Variants in PAPSS1 observed in about 807,000 individuals in gnomAD.
PAPSS1 encodes the protein 3'-phosphoadenosine 5'-phosphosulfate synthase 1, also known as bifunctional 3'-phosphoadenosine 5'-phosphosulfate synthase 1.
PAPSS1 carries 50 observed loss-of-function variants against 72.0 expected under a neutral mutation model. That is an observed-to-expected ratio of 0.69 (90% CI 0.55 to 0.88). PAPSS1 has a LOEUF of 0.88. Ranked by LOEUF, PAPSS1 falls within the 40% of genes least tolerant of loss-of-function variation. The probability of loss-of-function intolerance (pLI) is 0.00; values close to 1 mark genes in which losing one functional copy is unlikely to be tolerated. For missense variants in PAPSS1, 657 were observed against 782.2 expected (o/e 0.84, Z 1.91); for synonymous variants, 261 against 263.6 (o/e 0.99, Z 0.09).
intron 11 of PAPSS1, among the ~76,000 whole-genome samples, chr4:107,621,608 CTTTTT>C (rs10670438): frequency 1.3e-3 from 61 of 48,148 alleles, no homozygotes; most frequent in African/African-American, 3.0e-3. Flanking sequence ...GGTTTTTTAT[CTTTTT>C]TTTTTTTTTT....
chr4:107,663,074 T>C (rs1452590171), intron 5 of PAPSS1, among the ~76,000 whole-genome samples: 3 of 152,154 alleles, frequency 2.0e-5, no homozygotes, highest in African/African-American at 7.2e-5. Context: ...ACACTAAACA[T>C]AACAAGTTAC....
chr4:107,631,867 T>C lies in PAPSS1; in HGVS notation c.1507-7A>G, dbSNP rs36022390. 7.9e-4 allele frequency: 1,268 copies of C among 1,597,428 alleles called. 6 individuals carry two copies. Among genetic ancestry groups the C allele is most frequent in the Middle Eastern group, 5.7e-3 (34 of 6,000 alleles). On this transcript the variant is annotated splice_polypyrimidine_tract_variant and splice_region_variant and intron_variant, in intron 10 of 11. Transcript: ENST00000265174. Reference sequence around the variant, plus strand: ...CTCTGCAATGCCACTGGACCTAGAATAAAAGTTTCATTTTAGGTAACTTTG... The same window carrying C: ...CTCTGCAATGCCACTGGACCTAGAACAAAAGTTTCATTTTAGGTAACTTTG...
At chr4:107,676,504 AC>A (rs1727654732) in intron 5 of PAPSS1, among the ~76,000 whole-genome samples, 1 of 152,214 alleles carries the variant, frequency 6.6e-6, no homozygotes, top group South Asian at 2.1e-4. Flanking sequence ...TTCAAGGAGA[AC>A]TATAAACCAC....
chr4:107,636,695 C>G (rs1441729334), intron 10 of PAPSS1, among the ~76,000 whole-genome samples: 1 of 152,102 alleles, frequency 6.6e-6, no homozygotes, highest in Non-Finnish European at 1.5e-5. Flanking sequence ...AATGAAAAAG[C>G]AGGGGAGGAC....
chr4:107,682,005 C>G lies in PAPSS1; in HGVS notation c.669+10G>C. The G allele has an allele frequency of 2.3e-6, 3 of 1,318,020 alleles. No homozygotes were observed. The East Asian group carries it at 7.1e-5, about 31-fold the overall frequency. The allele number at this position is 1,318,020 out of a possible 1,614,324, so 81.6% of individuals were successfully genotyped here. A position where few individuals can be genotyped will look rare whatever the true frequency, so the allele number is the denominator to read the frequency against. On this transcript the variant is annotated intron_variant, in intron 5 of 11. Transcript: ENST00000265174. ...TTTCTCTGATGATTCCTTCTTTCAT[C>G]CTCTCTTACCCGTTCCTGTAGAAGT... is the stretch of plus-strand genomic sequence containing the variant.
At chr4:107,666,886 G>A (rs1727333011) in intron 5 of PAPSS1, among the ~76,000 whole-genome samples, 1 of 152,116 alleles carries the variant, frequency 6.6e-6, no homozygotes, top group African/African-American at 2.4e-5. Context: ...TACAGTGTTT[G>A]GTCTTTGTCC....
chr4:107,617,649 C>T (rs565962829), intron 11 of PAPSS1, among the ~76,000 whole-genome samples: 1 of 152,278 alleles, frequency 6.6e-6, no homozygotes, highest in African/African-American at 2.4e-5. Context: ...TAGACATACA[C>T]ATTCAACTCA....
chr4:107,638,685 G>C (rs1030583750), intron 10 of PAPSS1, among the ~76,000 whole-genome samples: 1 of 152,174 alleles, frequency 6.6e-6, no homozygotes, highest in Non-Finnish European at 1.5e-5. Context: ...GAAAACAGAG[G>C]AAGGCAACCA....
intron 10 of PAPSS1, 120 bp downstream of exon 10, chr4:107,644,682 T>A (rs1342256705): frequency 6.7e-6 from 6 of 901,970 alleles, no homozygotes; most frequent in Non-Finnish European, 9.6e-6. Context: ...GAATGTCATG[T>A]ATAACAAATG....
intron 2 of PAPSS1, among the ~76,000 whole-genome samples, chr4:107,700,572 C>T (rs1723179729): frequency 6.6e-6 from 1 of 152,202 alleles, no homozygotes; most frequent in Admixed American, 6.5e-5. Context: ...ATCCTCAATG[C>T]AACAGTGTTG....
intron 5 of PAPSS1, among the ~76,000 whole-genome samples, chr4:107,670,786 C>T (rs1373790642): frequency 6.6e-6 from 1 of 152,196 alleles, no homozygotes; most frequent in African/African-American, 2.4e-5. Context: ...AATCTTCCTG[C>T]TTCAGTTTCC....
intron 5 of PAPSS1, among the ~76,000 whole-genome samples, chr4:107,672,430 A>G (rs1375984817): frequency 6.6e-6 from 1 of 152,212 alleles, no homozygotes; most frequent in Non-Finnish European, 1.5e-5. Context: ...ATCCCGTGCC[A>G]GGCTCGGAGG....
At chr4:107,689,282 C>T (rs1722859810) in intron 3 of PAPSS1, among the ~76,000 whole-genome samples, 2 of 152,172 alleles carry the variant, frequency 1.3e-5, no homozygotes, top group South Asian at 4.1e-4. Flanking sequence ...CTCAGTCTTG[C>T]ACTTGATGCT....
intron 1 of PAPSS1, chr4:107,719,835 G>C (rs1426060486): frequency 1.5e-6 from 2 of 1,310,040 alleles, no homozygotes; most frequent in African/African-American, 3.1e-5. Flanking sequence ...TTTTCCTGGG[G>C]GTCTTACCTG....
At position 107,696,220 on chromosome 4, in the gene PAPSS1, T is replaced by C. The variant is rs1167106170; in HGVS notation, c.176-2214A>G. Among the ~76,000 whole-genome samples, 5 of 152,320 alleles carry C rather than the reference T, an allele frequency of 3.3e-5. No individual in the cohort carries two copies. In the South Asian group the frequency reaches 8.3e-4, roughly 25 times the overall value. ...CCATTTGACCCAGCAATCCCATTAT[T>C]GGGTATATACCCAAAGGAATATAAA... On this transcript the variant is annotated intron_variant, in intron 2 of 11. Coordinates refer to ENST00000265174, the MANE Select transcript of PAPSS1 (RefSeq NM_005443.5).
intron 5 of PAPSS1, among the ~76,000 whole-genome samples, chr4:107,673,456 T>C (rs991365235): frequency 5.3e-5 from 8 of 152,086 alleles, no homozygotes; most frequent in African/African-American, 1.7e-4. Flanking sequence ...GAAGAAAGGG[T>C]ATCAGTGATG....
chr4:107,660,807 C>T (rs971778527), intron 5 of PAPSS1, among the ~76,000 whole-genome samples: 1 of 152,156 alleles, frequency 6.6e-6, no homozygotes, highest in Admixed American at 6.5e-5. Context: ...TAAGCCAAAT[C>T]TGTCAGGTAA....
intron 5 of PAPSS1, among the ~76,000 whole-genome samples, chr4:107,672,271 C>A (rs190350042): frequency 6.6e-6 from 1 of 152,138 alleles, no homozygotes; most frequent in Non-Finnish European, 1.5e-5. Flanking sequence ...GGCGAGGCAT[C>A]GCCTCACCCA....
intron 3 of PAPSS1, 70 bp downstream of exon 3, chr4:107,693,701 T>A: frequency 9.4e-7 from 1 of 1,067,470 alleles, no homozygotes; most frequent in Non-Finnish European, 1.4e-6. Context: ...ATGTTTAAAG[T>A]ATGTGCTTTG....
Sources: gnomAD v4.1 joint callset for allele counts (sites outside exome capture counted in the v4.1 genomes callset) on GRCh38, gnomAD v4.1.1 for gene constraint, MANE v1.5 for transcripts, NCBI Gene and HGNC (gene_info 2026-07-23, HGNC 2026-07-21) for gene names.